Variants in MAP4 observed in about 807,000 individuals in gnomAD.
MAP4 encodes the protein microtubule associated protein 4, also known as microtubule-associated protein 4.
A neutral mutation model predicts 170.2 loss-of-function variants in MAP4; 76 were observed. That is an observed-to-expected ratio of 0.45 (90% CI 0.37 to 0.54). The LOEUF is 0.54. Among genes scored for constraint, MAP4 ranks in the 20% least tolerant of loss-of-function variants. The pLI is 0.00. For missense variants in MAP4, 2,506 were observed against 2,748.0 expected (o/e 0.91, Z 1.97); for synonymous variants, 909 against 994.5 (o/e 0.91, Z 1.62).
chr3:47,875,986 G>T, intron 11 of MAP4, 86 bp from the exon 12 acceptor site: 1 of 1,004,970 alleles, frequency 1.0e-6, no homozygotes, highest in Non-Finnish European at 1.5e-6. Context: ...ATTAAAAAAA[G>T]TATAAATTGC....
chr3:48,064,538 C>T (rs1335654636), intron 1 of MAP4, among the ~76,000 whole-genome samples: 1 of 152,154 alleles, frequency 6.6e-6, no homozygotes, highest in Non-Finnish European at 1.5e-5. Context: ...ACAGTCAGTT[C>T]TGCTTGAATT....
chr3:47,894,743 T>C (rs1039917429), intron 10 of MAP4, among the ~76,000 whole-genome samples: 3 of 152,026 alleles, frequency 2.0e-5, no homozygotes, highest in African/African-American at 7.2e-5. Flanking sequence ...AGTCTGGAGA[T>C]GGCTGGGTGC....
chr3:48,077,431 A>G (rs913362086), intron 1 of MAP4, among the ~76,000 whole-genome samples: 2 of 151,518 alleles, frequency 1.3e-5, no homozygotes, highest in Non-Finnish European at 1.5e-5. Flanking sequence ...GGGCAACAAG[A>G]ACGAAACTCA....
chr3:48,003,071 C>T (rs901743193), intron 1 of MAP4, among the ~76,000 whole-genome samples: 1 of 151,104 alleles, frequency 6.6e-6, no homozygotes, highest in African/African-American at 2.4e-5. Flanking sequence ...AGAAAAATAG[C>T]GACAAGAGCA....
At chr3:48,085,381 T>C (rs536864583) in intron 1 of MAP4, among the ~76,000 whole-genome samples, 5 of 152,300 alleles carry the variant, frequency 3.3e-5, no homozygotes, top group African/African-American at 1.2e-4. Context: ...GCCGCCTATA[T>C]ATAAGAAAAT....
At chr3:48,036,672 CAA>C (rs967760266) in intron 1 of MAP4, among the ~76,000 whole-genome samples, 1 of 152,140 alleles carries the variant, frequency 6.6e-6, no homozygotes, top group Non-Finnish European at 1.5e-5. Flanking sequence ...TTAAGAAACA[CAA>C]AATAGATCAA....
intron 11 of MAP4, among the ~76,000 whole-genome samples, chr3:47,876,564 T>C (rs1258152535): frequency 6.6e-6 from 1 of 152,162 alleles, no homozygotes; most frequent in Non-Finnish European, 1.5e-5. Context: ...CATCAGGAGG[T>C]GATTCAGCCA....
intron 10 of MAP4, among the ~76,000 whole-genome samples, chr3:47,884,607 A>T (rs2152816892): frequency 6.6e-6 from 1 of 152,222 alleles, no homozygotes; most frequent in African/African-American, 2.4e-5. Context: ...GTACTGCCTG[A>T]AAGGGCTGTA....
At chr3:47,875,572 C>T in intron 12 of MAP4, 113 bp downstream of exon 12, 2 of 1,031,344 alleles carry the variant, frequency 1.9e-6, no homozygotes, top group Non-Finnish European at 1.4e-6. Flanking sequence ...TTTCCCTTGC[C>T]TTTTCCCAAT....
At chr3:48,064,514 C>T (rs76189601) in intron 1 of MAP4, among the ~76,000 whole-genome samples, 2,889 of 152,202 alleles carry the variant, frequency 0.019, 208 homozygotes, top group East Asian at 0.13. Context: ...AATAATAAAA[C>T]TCTGGTCTCC....
chr3:48,021,158 AC>A (rs2100110362), upstream of MAP4, among the ~76,000 whole-genome samples: 1 of 151,690 alleles, frequency 6.6e-6, no homozygotes, highest in Admixed American at 6.6e-5. Flanking sequence ...AAGACATCAC[AC>A]TCCCCCTTGT....
intron 3 of MAP4, among the ~76,000 whole-genome samples, chr3:47,962,278 C>T (rs925397527): frequency 1.3e-5 from 2 of 152,226 alleles, no homozygotes; most frequent in Non-Finnish European, 2.9e-5. Flanking sequence ...TCTCTCACTA[C>T]TGGCTCACCC....
chr3:47,869,287 C>T lies in MAP4; in HGVS notation c.6335G>A (p.Arg2112Gln), dbSNP rs745703034. The change falls in exon 16 of 21, where the codon CGA (arginine) becomes CAA (glutamine). Residue 2112 changes from arginine (R) to glutamine (Q), a missense_variant. Physicochemically the swap from Arg to Gln is conservative, Grantham distance 43. This residue lies in a region of MAP4 where 487 missense variants were observed against 511.6 expected (regional missense o/e 0.95). Transcript: ENST00000683076. The part of the protein sequence containing the change: ...EKKTEAAATT[R>Q]KPESNAVTKT... The stretch of plus-strand genomic sequence containing the variant: ...AGTGACTGCATTAGATTCAGGCTTT[C>T]GGGTTGTAGCAGCTGCCTCTGTTTT... 55 of 1,614,112 alleles carry T rather than the reference C, an allele frequency of 3.4e-5. No individual in the cohort carries two copies. The East Asian group carries it at 6.9e-4, about 20-fold the overall frequency.
At chr3:48,081,749 T>G (rs748871981) in intron 1 of MAP4, among the ~76,000 whole-genome samples, 3 of 152,092 alleles carry the variant, frequency 2.0e-5, no homozygotes, top group African/African-American at 4.8e-5. Flanking sequence ...ACTTCCTAAC[T>G]ATCCCCTGAG....
intron 1 of MAP4, among the ~76,000 whole-genome samples, chr3:48,000,006 G>A (rs2100098242): frequency 6.6e-6 from 1 of 151,826 alleles, no homozygotes; most frequent in Admixed American, 6.6e-5. Context: ...CTTGAGACCA[G>A]GAGTTCAAGA....
chr3:47,952,006 C>T (rs532572517), intron 3 of MAP4, among the ~76,000 whole-genome samples: 2 of 151,934 alleles, frequency 1.3e-5, no homozygotes, highest in Non-Finnish European at 2.9e-5. Context: ...CCCGCCACCC[C>T]GTCTGGGATG....
upstream of MAP4, among the ~76,000 whole-genome samples, chr3:48,021,034 G>A (rs956380634): frequency 1.3e-5 from 2 of 152,136 alleles, no homozygotes; most frequent in African/African-American, 2.4e-5. Context: ...AGTTGAGTCC[G>A]AGAGGCACCC....
intron 1 of MAP4, among the ~76,000 whole-genome samples, chr3:48,077,571 C>T (rs1271750004): frequency 6.6e-6 from 1 of 151,380 alleles, no homozygotes; most frequent in Admixed American, 6.6e-5. Flanking sequence ...AATTGCTGGG[C>T]TCAAGCAGTC....
the MAP4 span, chr3:48,088,772 C>CCCG (rs1168544181): frequency 6.6e-6 from 1 of 152,584 alleles, no homozygotes; most frequent in Non-Finnish European, 1.5e-5. Context: ...GCTGCACCTA[C>CCCG]CCGCCGCCGC....
Sources: allele counts gnomAD v4.1 joint callset (sites outside exome capture counted in the v4.1 genomes callset), GRCh38; gene constraint gnomAD v4.1.1; regional missense constraint gnomAD v4.1.1; transcripts MANE v1.5; gene names NCBI Gene and HGNC (gene_info 2026-07-23, HGNC 2026-07-21).